Variants in PHF2 observed in about 807,000 individuals in gnomAD.
PHF2 encodes the protein PHD finger protein 2, also known as lysine-specific demethylase PHF2.
Under a neutral mutation model 120.5 loss-of-function variants are expected in PHF2, and 27 were observed. The observed-to-expected ratio is 0.22, with a 90% CI of 0.17 to 0.31. The LOEUF (loss-of-function observed/expected upper bound fraction) is 0.31, where lower values mean the gene tolerates loss of function less well. PHF2 is among the 10% of genes least tolerant of loss of function. PHF2 has a pLI of 1.00. For missense variants in PHF2, 1,024 were observed against 1,434.8 expected (o/e 0.71, Z 4.63); for synonymous variants, 568 against 592.5 (o/e 0.96, Z 0.60).
chr9:93,611,759 C>G (rs1825639616), intron 1 of PHF2, among the ~76,000 whole-genome samples: 1 of 152,202 alleles, frequency 6.6e-6, no homozygotes, highest in African/African-American at 2.4e-5. Context: ...AAGCCATCTT[C>G]CAGCCTCAGC....
chr9:93,599,806 A>G (rs749277707), intron 1 of PHF2, among the ~76,000 whole-genome samples: 4 of 152,250 alleles, frequency 2.6e-5, no homozygotes, highest in Non-Finnish European at 4.4e-5. Context: ...AGGTGTATAC[A>G]TGATGCCCAG....
In PHF2 at chr9:93,678,876, A is replaced by G. The variant is rs1414320924; in HGVS notation, c.*1200A>G. On this transcript the variant is annotated 3_prime_UTR_variant, in exon 22 of 22. Coordinates refer to ENST00000359246, the MANE Select transcript of PHF2 (RefSeq NM_005392.4). ...TTCCTTCTCCTTTCCTTTTATTATT[A>G]TTATTTTTTTCTTTTAAGAACTAAG... The G allele has an allele frequency of 6.3e-6, 1 of 157,582 alleles. No homozygotes were observed. Among genetic ancestry groups the G allele is most frequent in the Admixed American group, 6.2e-5 (1 of 16,094 alleles). The allele number at this position is 157,582 out of a possible 1,614,324, so 9.8% of individuals were successfully genotyped here.
chr9:93,649,219 G>T lies in PHF2; in HGVS notation c.602+7G>T. On this transcript the variant is annotated splice_region_variant and intron_variant, in intron 5 of 21. Transcript: ENST00000359246. ...TCGAGTTCTCTGACACCCGGTGAGT[G>T]CTACCACCCTGGGGGTGTGGGGGCT... 1 of 1,547,220 alleles carries T rather than the reference G, an allele frequency of 6.5e-7. No homozygotes were observed. Among genetic ancestry groups the T allele is most frequent in the Non-Finnish European group, 8.7e-7 (1 of 1,144,596 alleles).
intron 3 of PHF2, 55 bp downstream of exon 3, chr9:93,636,580 C>T (rs1198375295): frequency 8.2e-7 from 1 of 1,222,168 alleles, no homozygotes; most frequent in Admixed American, 2.0e-5. Context: ...TGCACACTCT[C>T]TCCGTCCCTT....
At chr9:93,665,225 G>A (rs1021212435) in intron 14 of PHF2, among the ~76,000 whole-genome samples, 3 of 152,194 alleles carry the variant, frequency 2.0e-5, no homozygotes, top group Admixed American at 6.5e-5. Flanking sequence ...GTCCTTTTCC[G>A]GTTAAAGACC....
Position 93,671,025 on chromosome 9 carries a change from G to A in PHF2, c.2349-2560G>A, listed in dbSNP as rs75894380. On this transcript the variant is annotated intron_variant, in intron 17 of 21. Coordinates refer to ENST00000359246, the MANE Select transcript of PHF2 (RefSeq NM_005392.4). ...GATGCAGCTGCAGGTCTATGTTCAG[G>A]TGGGTGCAGGTGTGGGGGTAGGTGC... 2.2e-3 allele frequency: 2,176 copies of A among 984,832 alleles called. 52 individuals carry two copies. In the African/African-American group the frequency reaches 0.036, roughly 16 times the overall value. 61.0% of individuals were successfully genotyped at this position (984,832 alleles called of 1,614,324 possible).
rs369416499 is a variant in PHF2, at chr9:93,645,584, G to A, written c.300-45G>A. On this transcript the variant is annotated intron_variant, in intron 3 of 21. Transcript: ENST00000359246. ...CCTGTCCACACCTGTCCCGGTGCAGGAGGCCTCGGGCCCAATGTGGCCTCT... is the reference window on the plus strand; with the variant it reads ...CCTGTCCACACCTGTCCCGGTGCAGAAGGCCTCGGGCCCAATGTGGCCTCT... 7 of 1,508,604 alleles carry A rather than the reference G, an allele frequency of 4.6e-6. No homozygotes were observed. In the African/African-American group the frequency reaches 9.7e-5, roughly 21 times the overall value. The allele number at this position is 1,508,604 out of a possible 1,614,324, so 93.5% of individuals were successfully genotyped here.
intron 4 of PHF2, among the ~76,000 whole-genome samples, chr9:93,646,567 G>A (rs935895218): frequency 1.9e-4 from 29 of 152,316 alleles, no homozygotes; most frequent in Admixed American, 1.5e-3. Flanking sequence ...TGGGGCTTCC[G>A]AGACGACTGG....
chr9:93,591,386 G>A (rs1044857001), intron 1 of PHF2, among the ~76,000 whole-genome samples: 1 of 152,208 alleles, frequency 6.6e-6, no homozygotes, highest in African/African-American at 2.4e-5. Flanking sequence ...TTGGGATTGG[G>A]CTAGGCACCC....
At chr9:93,605,756 T>G (rs1272003231) in intron 1 of PHF2, among the ~76,000 whole-genome samples, 2 of 152,226 alleles carry the variant, frequency 1.3e-5, no homozygotes, top group African/African-American at 4.8e-5. Flanking sequence ...TTTTTAGCAC[T>G]GAGTAATATT....
intron 1 of PHF2, among the ~76,000 whole-genome samples, chr9:93,609,060 T>C (rs527455293): frequency 9.8e-6 from 1 of 102,192 alleles, no homozygotes; most frequent in East Asian, 2.6e-4. Flanking sequence ...CCTCTCAGCA[T>C]ATCAATAACG....
At chr9:93,666,184 C>T (rs1826677604) in intron 16 of PHF2, 124 bp downstream of exon 16, 1 of 827,390 alleles carries the variant, frequency 1.2e-6, no homozygotes, top group Non-Finnish European at 1.9e-6. Context: ...CAAAGGGGCC[C>T]CTTACCCTCA....
At position 93,607,940 on chromosome 9, in the gene PHF2, T is replaced by TGAGAGAGAGA. The variant is rs138717280; in HGVS notation, c.99-22016_99-22007dup. Among the ~76,000 whole-genome samples the TGAGAGAGAGA allele has an allele frequency of 3.2e-3, 413 of 128,374 alleles. 2 individuals are homozygous for TGAGAGAGAGA. The highest frequency in any genetic ancestry group is 8.0e-3 in the Middle Eastern group (2 of 250). 84.2% of individuals were successfully genotyped at this position (128,374 alleles called of 152,430 possible). On this transcript the variant is annotated intron_variant, in intron 1 of 21. Transcript: ENST00000359246. ...GATGAGAGAGAGAGAGGGAAAGAGA[T>TGAGAGAGAGA]GAGAGAGAGAGAGAGAGAGAGAGGG...
chr9:93,583,642 C>G (rs1468288637), intron 1 of PHF2, among the ~76,000 whole-genome samples: 1 of 151,948 alleles, frequency 6.6e-6, no homozygotes, highest in Admixed American at 6.6e-5. Flanking sequence ...TTTTGGCTAG[C>G]ATTTCTCTAC....
chr9:93,581,594 G>A (rs909045018), intron 1 of PHF2, among the ~76,000 whole-genome samples: 1 of 152,188 alleles, frequency 6.6e-6, no homozygotes, highest in African/African-American at 2.4e-5. Flanking sequence ...TTCCAAAGGA[G>A]GTGTGTCTTG....
intron 5 of PHF2, 40 bp downstream of exon 5, chr9:93,649,252 G>C (rs1451957288): frequency 6.6e-7 from 1 of 1,521,266 alleles, no homozygotes; most frequent in African/African-American, 1.4e-5. Flanking sequence ...GCTGGGGTTG[G>C]GGCAGGGGCG....
chr9:93,659,421 G>T, intron 10 of PHF2, 90 bp from the exon 11 acceptor site: 1 of 1,026,036 alleles, frequency 9.7e-7, no homozygotes, highest in Admixed American at 2.0e-5. Flanking sequence ...TGAGTGGCTC[G>T]GCAGTCAGGC....
intron 14 of PHF2, among the ~76,000 whole-genome samples, chr9:93,664,011 G>C (rs560100865): frequency 6.6e-6 from 1 of 152,204 alleles, no homozygotes. Flanking sequence ...TGCCTGGGTG[G>C]GACTGGGCTG....
intron 11 of PHF2, 78 bp downstream of exon 11, chr9:93,659,678 C>T: frequency 7.6e-7 from 1 of 1,321,796 alleles, no homozygotes; most frequent in Non-Finnish European, 1.1e-6. Context: ...GGTCCAGGGG[C>T]CAGCCTAACA....
Sources: gnomAD v4.1 joint callset for allele counts (sites outside exome capture counted in the v4.1 genomes callset) on GRCh38, gnomAD v4.1.1 for gene constraint, MANE v1.5 for transcripts, NCBI Gene and HGNC (gene_info 2026-07-23, HGNC 2026-07-21) for gene names.